LOC400499: variants seen among roughly 807,000 people sequenced by gnomAD.
the LOC400499 span, chr16:11,460,839 A>G: frequency 2.3e-6 from 3 of 1,324,314 alleles, no homozygotes; most frequent in Non-Finnish European, 3.0e-6. Flanking sequence ...ACTCAGAGCC[A>G]ACAGAATGAC....
At chr16:11,420,920 G>A in the LOC400499 span, among the ~76,000 whole-genome samples, 1 of 152,322 alleles carries the variant, frequency 6.6e-6, no homozygotes, top group East Asian at 1.9e-4. Context: ...CAGGTCTGCT[G>A]GGCTCTGATC....
chr16:11,399,784 G>T, the LOC400499 span: 2 of 398,778 alleles, frequency 5.0e-6, no homozygotes, highest in Admixed American at 8.8e-5. Flanking sequence ...CTGCAGCGTC[G>T]CAGGTTGTCC....
the LOC400499 span, chr16:11,477,871 A>G: frequency 2.5e-6 from 1 of 398,920 alleles, no homozygotes; most frequent in African/African-American, 2.1e-5. Flanking sequence ...GCTGGAAGTC[A>G]GTGGTTCCTC....
the LOC400499 span, among the ~76,000 whole-genome samples, chr16:11,499,558 C>A: frequency 6.6e-6 from 1 of 152,078 alleles, no homozygotes; most frequent in African/African-American, 2.4e-5. Flanking sequence ...CACAGTCTAC[C>A]TGGAACAGCC....
the LOC400499 span, among the ~76,000 whole-genome samples, chr16:11,402,657 C>A: frequency 6.6e-6 from 1 of 152,190 alleles, no homozygotes; most frequent in Non-Finnish European, 1.5e-5. Context: ...AGCTAGCCAG[C>A]CCCTGAGCAG....
chr16:11,485,103 G>C, the LOC400499 span: 47 of 398,946 alleles, frequency 1.2e-4, no homozygotes, highest in East Asian at 7.8e-4. Context: ...GCTCAGGGAG[G>C]AACAATTCAG....
the LOC400499 span, chr16:11,440,924 T>C: frequency 3.0e-5 from 12 of 398,946 alleles, no homozygotes; most frequent in African/African-American, 2.3e-4. Context: ...GTCTGCCCAA[T>C]CTGGGGACCC....
chr16:11,400,574 G>A, the LOC400499 span, among the ~76,000 whole-genome samples: 15 of 152,008 alleles, frequency 9.9e-5, no homozygotes, highest in African/African-American at 3.4e-4. Flanking sequence ...CCAAGCAGTT[G>A]GGATTGCAGG....
chr16:11,392,387 A>T, the LOC400499 span: 1 of 398,774 alleles, frequency 2.5e-6, no homozygotes, highest in South Asian at 1.3e-4. Flanking sequence ...GGCAGCCTGC[A>T]GGGTCAGGCG....
chr16:11,407,337 G>C, the LOC400499 span: 1 of 370,864 alleles, frequency 2.7e-6, no homozygotes. Context: ...GAGTAGTGTA[G>C]CTGGGTCAGA....
At chr16:11,484,164 C>A in the LOC400499 span, among the ~76,000 whole-genome samples, 37 of 151,834 alleles carry the variant, frequency 2.4e-4, no homozygotes, top group African/African-American at 8.2e-4. Flanking sequence ...CCCACCACCA[C>A]GCCTGGCTAA....
At chr16:11,437,015 G>C in the LOC400499 span, among the ~76,000 whole-genome samples, 1 of 152,152 alleles carries the variant, frequency 6.6e-6, no homozygotes, top group Non-Finnish European at 1.5e-5. Flanking sequence ...AGCTGAAAAA[G>C]ACATGGAGGA....
chr16:11,501,003 C>A, the LOC400499 span: 1 of 398,970 alleles, frequency 2.5e-6, no homozygotes. Context: ...ACGTGCTGAG[C>A]GCCTGCAAAG....
At chr16:11,405,500 G>A in the LOC400499 span, among the ~76,000 whole-genome samples, 1 of 152,178 alleles carries the variant, frequency 6.6e-6, no homozygotes, top group East Asian at 1.9e-4. Context: ...GCTTGGGGAG[G>A]AGGCAGGGAA....
the LOC400499 span, among the ~76,000 whole-genome samples, chr16:11,452,283 C>T: frequency 6.0e-5 from 9 of 149,138 alleles, no homozygotes; most frequent in African/African-American, 1.5e-4. Flanking sequence ...AAGAGTCATG[C>T]GCCAGTGTAT....
the LOC400499 span, among the ~76,000 whole-genome samples, chr16:11,478,274 C>T: frequency 4.6e-5 from 7 of 151,948 alleles, no homozygotes; most frequent in African/African-American, 9.6e-5. Flanking sequence ...GTGATCCACC[C>T]GCCCCAGCCT....
the LOC400499 span, among the ~76,000 whole-genome samples, chr16:11,453,102 C>T: frequency 6.6e-6 from 1 of 152,296 alleles, no homozygotes; most frequent in South Asian, 2.1e-4. Flanking sequence ...TCACTCTCCC[C>T]TAATGGGATC....
At chr16:11,456,920 C>A in the LOC400499 span, 4 of 1,536,286 alleles carry the variant, frequency 2.6e-6, no homozygotes, top group Non-Finnish European at 3.5e-6. Flanking sequence ...CCACAAACAG[C>A]GGCCGCCCAT....
chr16:11,460,533 T>C, the LOC400499 span: 2 of 1,535,572 alleles, frequency 1.3e-6, no homozygotes, highest in African/African-American at 1.4e-5. Flanking sequence ...AGCTCCAGCC[T>C]GTAGGCACCG....
Sources: allele counts gnomAD v4.1 joint callset (sites outside exome capture counted in the v4.1 genomes callset), GRCh38; gene constraint gnomAD v4.1.1; transcripts MANE v1.5.